The following LRPPRC variants were observed in gnomAD, a reference collection of about 807,000 sequenced individuals.
LRPPRC encodes the protein leucine rich pentatricopeptide repeat containing.
In LRPPRC, 120 loss-of-function variants were observed where a neutral mutation model predicts 180.3. The ratio of observed to expected loss-of-function variants is 0.67; its 90% confidence interval spans 0.57 to 0.77. The LOEUF is 0.77. Among genes scored for constraint, LRPPRC ranks in the 30% least tolerant of loss-of-function variants. The pLI is 0.00. For synonymous variants in LRPPRC, 723 were observed against 600.0 expected (o/e 1.21, Z -3.00); for missense variants, 2,012 against 1,657.2 (o/e 1.21, Z -3.72).
chr2:43,982,517 A>C, intron 1 of LRPPRC, 83 bp from the exon 2 acceptor site: 1 of 1,040,710 alleles, frequency 9.6e-7, no homozygotes, highest in Non-Finnish European at 1.5e-6. Context: ...AAATTTTAAA[A>C]TTAGTTATTA....
In LRPPRC at chr2:43,948,423, G is replaced by A. The variant is rs146055648; in HGVS notation, c.1831C>T (p.Leu611=). Residue 611 remains leucine, a synonymous_variant, in exon 17 of 38, where the codon CTG becomes TTG. Transcript: ENST00000260665. ...EEHLRQYFHQ[L]EKMNVKIPEN... The stretch of plus-strand genomic sequence containing the variant: ...AAACGAAATGGTACCATCTTCTCCA[G>A]CTGATGGAAGTATTGTCTCAAATGC... 9 of 1,606,624 alleles carry A rather than the reference G, an allele frequency of 5.6e-6. No individual in the cohort carries two copies. Among genetic ancestry groups the A allele is most frequent in the Middle Eastern group, 3.3e-4 (2 of 6,048 alleles).
chr2:43,945,208 T>A, intron 22 of LRPPRC, 124 bp downstream of exon 22: 4 of 719,812 alleles, frequency 5.6e-6, no homozygotes, highest in Non-Finnish European at 7.5e-6. Flanking sequence ...TGGATTCACA[T>A]GCAAATTTCT....
chr2:43,947,592 G>C (rs994272151), intron 19 of LRPPRC, 139 bp downstream of exon 19: 1 of 679,266 alleles, frequency 1.5e-6, no homozygotes, highest in Admixed American at 2.6e-5. Flanking sequence ...CTGAGGTGGG[G>C]AACAGGTTTT....
intron 19 of LRPPRC, 45 bp downstream of exon 19, chr2:43,947,686 A>C (rs1232454129): frequency 2.8e-6 from 3 of 1,066,034 alleles, no homozygotes; most frequent in Admixed American, 3.4e-5. Context: ...TACTCATTAA[A>C]TATGGGTATT....
At chr2:43,954,667 ACATGTGCATG>A (rs1397741638) in intron 14 of LRPPRC, among the ~76,000 whole-genome samples, 2 of 152,232 alleles carry the variant, frequency 1.3e-5, no homozygotes, top group Non-Finnish European at 2.9e-5. Flanking sequence ...ATATGTACAC[ACATGTGCATG>A]CATGTGCACA....
At chr2:43,950,683 T>C (rs1322451830) in intron 14 of LRPPRC, 83 bp from the exon 15 acceptor site, 2 of 921,274 alleles carry the variant, frequency 2.2e-6, no homozygotes, top group Non-Finnish European at 3.6e-6. Flanking sequence ...CAGATCAAAG[T>C]ATTAAAATTA....
At position 43,930,157 on chromosome 2, in the gene LRPPRC, G is replaced by C. The variant is rs1375773435; in HGVS notation, c.2736+4033C>G. ...GGTCTTAAATCAAAAGCCATCAAAAGAGAGTTTTTCCCCCACTGAGAAGAG... is the reference window on the plus strand; with the variant it reads ...GGTCTTAAATCAAAAGCCATCAAAACAGAGTTTTTCCCCCACTGAGAAGAG... On this transcript the variant is annotated intron_variant, in intron 25 of 37. Coordinates refer to ENST00000260665, the MANE Select transcript of LRPPRC (RefSeq NM_133259.4). Among the ~76,000 whole-genome samples the C allele has an allele frequency of 2.6e-5, 4 of 152,220 alleles. No homozygotes were observed. In the East Asian group the frequency reaches 5.8e-4, roughly 22 times the overall value.
chr2:43,918,076 G>A lies in LRPPRC; in HGVS notation c.3097C>T (p.Pro1033Ser). The change falls in exon 29 of 38, where the codon CCT becomes TCT. Residue 1033 changes from proline (P) to serine (S), a missense_variant. Physicochemically the swap from Pro to Ser is moderately conservative, Grantham distance 74 (BLOSUM62 -1). Coordinates refer to ENST00000260665, the MANE Select transcript of LRPPRC (RefSeq NM_133259.4). Reference sequence around the variant, plus strand: ...ATCAATATATCTTTCTGGAAATCAGGTTCTGTGGTTGAGGCTGACGAAGAA... The same window carrying A: ...ATCAATATATCTTTCTGGAAATCAGATTCTGTGGTTGAGGCTGACGAAGAA... The part of the protein sequence containing the change: ...LNSSSASTTE[P>S]DFQKDILIAC... 1 of 1,613,088 alleles carries A rather than the reference G, an allele frequency of 6.2e-7. No homozygotes were observed. Among genetic ancestry groups the A allele is most frequent in the Non-Finnish European group, 8.5e-7 (1 of 1,179,870 alleles).
intron 1 of LRPPRC, among the ~76,000 whole-genome samples, chr2:43,987,650 T>G (rs1038113795): frequency 2.6e-5 from 4 of 152,158 alleles, no homozygotes; most frequent in African/African-American, 9.7e-5. Flanking sequence ...ATCTAGTGAG[T>G]GCTTAGATGT....
chr2:43,889,792 T>C lies in LRPPRC; in HGVS notation c.4070A>G (p.Lys1357Arg). ...KNTKLDDLFL[K>R]RYASLLKYAG... ...ATACTTCAGCAAAGATGCGTAACGC[T>C]TTAGAAACAGATCATCCAATTTTGT... is the stretch of plus-strand genomic sequence containing the variant. Residue 1357 changes from lysine to arginine, a missense_variant, in exon 37 of 38, where the codon AAG (lysine) becomes AGG (arginine). By Grantham distance (26) the Lys-to-Arg change is conservative. Transcript: ENST00000260665. The C allele has an allele frequency of 6.2e-7, 1 of 1,611,590 alleles. No homozygotes were observed. Among genetic ancestry groups the C allele is most frequent in the Non-Finnish European group, 8.5e-7 (1 of 1,177,644 alleles).
intron 36 of LRPPRC, among the ~76,000 whole-genome samples, chr2:43,892,031 C>G (rs1670509599): frequency 6.6e-6 from 1 of 152,234 alleles, no homozygotes; most frequent in Non-Finnish European, 1.5e-5. Context: ...AAAGCCTAAT[C>G]CAGTGCAAGG....
In LRPPRC at chr2:43,974,062, G is replaced by A; in HGVS notation, c.1155+88C>T. ...GAACATTGTTATGATGTTTACAACT[G>A]GTCTAATCTTATAAATGTTCCTATA... On this transcript the variant is annotated intron_variant, in intron 9 of 37. Coordinates refer to ENST00000260665, the MANE Select transcript of LRPPRC (RefSeq NM_133259.4). 6 of 1,347,490 alleles carry A rather than the reference G, an allele frequency of 4.5e-6. No individual in the cohort carries two copies. In the Admixed American group the frequency reaches 8.4e-5, roughly 19 times the overall value. 83.5% of individuals were successfully genotyped at this position (1,347,490 alleles called of 1,614,324 possible).
At chr2:43,993,768 T>C (rs1346253489) in intron 1 of LRPPRC, among the ~76,000 whole-genome samples, 1 of 150,040 alleles carries the variant, frequency 6.7e-6, no homozygotes, top group Admixed American at 6.6e-5. Context: ...AAATAAGTAA[T>C]GATATCAGAC....
At chr2:43,904,057 C>G (rs187396518) in intron 31 of LRPPRC, 2 of 152,160 alleles carry the variant, frequency 1.3e-5, no homozygotes, top group African/African-American at 4.8e-5. Context: ...ATTCTCCCAC[C>G]TCTGCCTCCT....
intron 1 of LRPPRC, among the ~76,000 whole-genome samples, chr2:43,984,791 C>T (rs1427830420): frequency 6.6e-6 from 1 of 152,074 alleles, no homozygotes; most frequent in Non-Finnish European, 1.5e-5. Flanking sequence ...CCTCCAAATG[C>T]TAAGGACCAA....
At chr2:43,930,888 A>G (rs923087077) in intron 25 of LRPPRC, among the ~76,000 whole-genome samples, 3 of 152,130 alleles carry the variant, frequency 2.0e-5, no homozygotes, top group African/African-American at 4.8e-5. Flanking sequence ...AAACAAACAA[A>G]CAGAAAAATG....
At position 43,943,720 on chromosome 2, in the gene LRPPRC, A is replaced by G. The variant is rs774104921; in HGVS notation, c.2471T>C (p.Ile824Thr). The change falls in exon 23 of 38, where the codon ATA (isoleucine) becomes ACA (threonine). Residue 824 changes from isoleucine (I) to threonine (T), a missense_variant. Physicochemically the swap from Ile to Thr is moderately conservative, Grantham distance 89 (BLOSUM62 -1). Coordinates refer to ENST00000260665, the MANE Select transcript of LRPPRC (RefSeq NM_133259.4). ...TLGLAEPSTN[I>T]SFPLVTVHLE... ...GTGTACAGTGACCAATGGGAAACTT[A>G]TGTTGGTGGATGGTTCTGCTAACCC... is the stretch of plus-strand genomic sequence containing the variant. 1.2e-6 allele frequency: 2 copies of G among 1,613,408 alleles called. No individual in the cohort carries two copies. Among genetic ancestry groups the G allele is most frequent in the Non-Finnish European group, 1.7e-6 (2 of 1,179,382 alleles).
At chr2:43,937,726 A>G (rs562711117) in intron 23 of LRPPRC, among the ~76,000 whole-genome samples, 2 of 152,310 alleles carry the variant, frequency 1.3e-5, no homozygotes, top group African/African-American at 2.4e-5. Flanking sequence ...AACAGGTTCT[A>G]TGACTCTGTG....
In LRPPRC at chr2:43,982,432, C is replaced by A. The variant is rs1292933452; in HGVS notation, c.152G>T (p.Gly51Val). Residue 51 changes from glycine to valine, a missense_variant and splice_region_variant, in exon 2 of 38, where the codon GGA becomes GTA. Transcript: ENST00000260665. ...PAARAGPVAG[G>V]LLSPARLYAI... The stretch of plus-strand genomic sequence containing the variant: ...ATACAGCCTGGCTGGGCTCAGTAGT[C>A]CTCTAAAAAATGAAACATAATTAAT... The A allele has an allele frequency of 6.2e-7, 1 of 1,610,658 alleles. No individual in the cohort carries two copies. The highest frequency in any genetic ancestry group is 8.5e-7 in the Non-Finnish European group (1 of 1,177,102).
Sources: allele counts gnomAD v4.1 joint callset (sites outside exome capture counted in the v4.1 genomes callset), GRCh38; gene constraint gnomAD v4.1.1; transcripts MANE v1.5; gene names NCBI Gene and HGNC (gene_info 2026-07-23, HGNC 2026-07-21).